The following PROM2 variants were observed in gnomAD, a reference collection of about 807,000 sequenced individuals.
PROM2 encodes the protein prominin 2.
A neutral mutation model predicts 110.2 loss-of-function variants in PROM2; 90 were observed. The ratio of observed to expected loss-of-function variants is 0.82; its 90% CI spans 0.69 to 0.97. The LOEUF (loss-of-function observed/expected upper bound fraction) is 0.97. PROM2 is among the 50% of genes least tolerant of loss of function. PROM2 has a pLI of 0.00. For missense variants in PROM2, 1,009 were observed against 1,074.8 expected, an observed-to-expected ratio of 0.94 and a Z score of 0.86; for synonymous variants, 470 against 467.8, an observed-to-expected ratio of 1.00 and a Z score of -0.06.
At position 95,275,424 on chromosome 2, in the gene PROM2, G is replaced by A. The variant is rs1439398241; in HGVS notation, c.245-37G>A. 1.3e-6 allele frequency: 2 copies of A among 1,590,554 alleles called. No homozygotes were observed. The highest frequency in any genetic ancestry group is 4.5e-5 in the East Asian group (2 of 44,576). Reference sequence around the variant, plus strand: ...GGAGGGACACAGGGGCAGGGCAGTGGCTGTCCCCAAATCCTCAGCTTGGCT... The same window carrying A: ...GGAGGGACACAGGGGCAGGGCAGTGACTGTCCCCAAATCCTCAGCTTGGCT... On this transcript the variant is annotated intron_variant, in intron 1 of 23. Transcript: ENST00000317620. The surrounding 1 kb of genome is among the most constrained non-coding windows in gnomAD (Gnocchi z 4.4).
chr2:95,277,359 CTCAG>C lies in PROM2; in HGVS notation c.773-2_774del, dbSNP rs1462207968. ...CCCTGCTCAGGCTGGGTGTGGGTCT[CTCAG>C]TCCTGCAGGTCTCCGTGCACCACCT... On this transcript the variant is annotated splice_acceptor_variant and splice_polypyrimidine_tract_variant and intron_variant, in intron 6 of 23. Transcript: ENST00000317620. LOFTEE classifies it high-confidence loss of function. The C allele has an allele frequency of 2.5e-6, 4 of 1,606,100 alleles. No homozygotes were observed. Among genetic ancestry groups the C allele is most frequent in the Non-Finnish European group, 3.4e-6 (4 of 1,175,624 alleles).
At position 95,279,952 on chromosome 2, in the gene PROM2, G is replaced by T; in HGVS notation, c.1382G>T (p.Ser461Ile). The T allele has an allele frequency of 6.6e-7, 1 of 1,519,794 alleles. No individual in the cohort carries two copies. 94.1% of individuals were successfully genotyped at this position (1,519,794 alleles called of 1,614,324 possible). ...GGCCTGTCTGCCAGGGACGACCCCA[G>T]CCACCCAGAAGCCAAGGGCGAGGCT... ...IWGLSARDDP[S>I]HPEAKGEAGA... The change falls in exon 11 of 24, where the codon AGC (serine) becomes ATC (isoleucine). Residue 461 changes from serine to isoleucine, a missense_variant. Transcript: ENST00000317620.
At position 95,275,978 on chromosome 2, in the gene PROM2, C is replaced by T; in HGVS notation, c.343C>T (p.Leu115Phe). Residue 115 changes from leucine to phenylalanine, a missense_variant, in exon 3 of 24, where the codon CTC becomes TTC. By Grantham distance (22) the Leu-to-Phe change is conservative. Transcript: ENST00000317620. This position sits in a 1 kb window ranked among gnomAD's most constrained non-coding sequence, Gnocchi z 4.4. ...GYVVCAVIAG[L>F]YLLLVPTAGL... is the part of the protein sequence containing the mutation. ...CGTGGTATGCGCTGTGATCGCGGGC[C>T]TCTACCTGCTGCTGGTGCCCACTGC... 1.2e-6 allele frequency: 2 copies of T among 1,612,404 alleles called. No individual in the cohort carries two copies. Among genetic ancestry groups the T allele is most frequent in the Non-Finnish European group, 1.7e-6 (2 of 1,179,848 alleles).
intron 13 of PROM2, 52 bp downstream of exon 13, chr2:95,282,068 C>G: frequency 1.2e-6 from 2 of 1,601,864 alleles, no homozygotes; most frequent in Non-Finnish European, 1.7e-6. Context: ...GGAGGAGGGC[C>G]GGTGTCCCTC....
At position 95,281,389 on chromosome 2, in the gene PROM2, C is replaced by T. The variant is rs772440298; in HGVS notation, c.1551+24C>T. The T allele has an allele frequency of 1.1e-5, 17 of 1,605,122 alleles. No individual in the cohort carries two copies. The East Asian group carries it at 3.6e-4, about 34-fold the overall frequency. On this transcript the variant is annotated intron_variant, in intron 12 of 23. Transcript: ENST00000317620. ...AGGTAGGCCTGTCTCTGCTCACAGG[C>T]CCTCCTGGGGAGAGAGGTGGGGGGC...
intron 7 of PROM2, 175 bp from the exon 8 acceptor site, chr2:95,277,755 G>A (rs541528981): frequency 1.3e-6 from 1 of 754,218 alleles, no homozygotes; most frequent in East Asian, 2.7e-5. Flanking sequence ...TGAACTTCAT[G>A]TGTGTGAGCT....
chr2:95,288,499 G>T lies in PROM2; in HGVS notation c.2351G>T (p.Cys784Phe). Residue 784 changes from cysteine (C) to phenylalanine (F), a missense_variant, in exon 22 of 24, where the codon TGC becomes TTC. Cys to Phe is a radical substitution (Grantham distance 205). Transcript: ENST00000317620. ...MADPWNAFWFCLAWCTFFLIP... is the reference protein window; with the variant it reads ...MADPWNAFWFFLAWCTFFLIP... ...TTGTTGCAGAATGCCTTCTGGTTCT[G>T]CCTGGCATGGTGCACCTTCTTCCTG... 1 of 1,614,202 alleles carries T rather than the reference G, an allele frequency of 6.2e-7. No individual in the cohort carries two copies. Among genetic ancestry groups the T allele is most frequent in the Non-Finnish European group, 8.5e-7 (1 of 1,180,022 alleles).
Position 95,277,953 on chromosome 2 carries a change from G to A in PROM2, c.999G>A (p.Leu333=), listed in dbSNP as rs369408994. The A allele has an allele frequency of 1.2e-4, 190 of 1,612,276 alleles. No individual in the cohort carries two copies. The highest frequency in any genetic ancestry group is 1.6e-4 in the Non-Finnish European group (183 of 1,179,522). ...FSQVPSVDHV[L]HQLKGVPEAN... ...AGGTGCCCTCTGTGGACCATGTCCT[G>A]CACCAGCTAAAAGGTGTCCCCGAGG... The change falls in exon 8 of 24, where the codon CTG becomes CTA. Residue 333 remains leucine (L), a synonymous_variant. Transcript: ENST00000317620.
At position 95,274,814 on chromosome 2, in the gene PROM2, A is replaced by C. The variant is rs1676551463; in HGVS notation, c.229A>C (p.Asn77His). 4 of 1,555,350 alleles carry C rather than the reference A, an allele frequency of 2.6e-6. No individual in the cohort carries two copies. Among genetic ancestry groups the C allele is most frequent in the African/African-American group, 3.0e-5 (2 of 67,226 alleles). Residue 77 changes from asparagine to histidine, a missense_variant, in exon 1 of 24, where the codon AAT becomes CAT. Physicochemically the swap from Asn to His is moderately conservative, Grantham distance 68 (BLOSUM62 1). Coordinates refer to ENST00000317620, the MANE Select transcript of PROM2 (RefSeq NM_001165978.3). ...VRRFLSVVQL[N>H]PFPSELVKAL... is the part of the protein sequence containing the mutation. ...CCGCTTCCTCTCGGTGGTGCAGCTCAATCCTTTCCCTTCAGGTGAGTGTGC... is the reference window on the plus strand; with the variant it reads ...CCGCTTCCTCTCGGTGGTGCAGCTCCATCCTTTCCCTTCAGGTGAGTGTGC...
intron 14 of PROM2, among the ~76,000 whole-genome samples, chr2:95,283,576 G>C (rs564316422): frequency 1.3e-5 from 2 of 152,184 alleles, no homozygotes; most frequent in Non-Finnish European, 2.9e-5. Context: ...TCCTCCAGGA[G>C]AAGGCAGCCT....
chr2:95,288,991 C>A lies in PROM2; in HGVS notation c.2500C>A (p.Leu834Met). 1 of 1,611,882 alleles carries A rather than the reference C, an allele frequency of 6.2e-7. No individual in the cohort carries two copies. The highest frequency in any genetic ancestry group is 8.5e-7 in the Non-Finnish European group (1 of 1,178,694). The change falls in exon 23 of 24, where the codon CTG becomes ATG. Residue 834 changes from leucine (L) to methionine (M), a missense_variant. Coordinates refer to ENST00000317620, the MANE Select transcript of PROM2 (RefSeq NM_001165978.3). ...FHIPRVTSLK[L>M] ...CATCCCCCGGGTTACCTCCCTGAAG[C>A]TGTAGGGCCTTGTGGGTGAGTTTTC...
chr2:95,275,830 A>C lies in PROM2; in HGVS notation c.295-100A>C. On this transcript the variant is annotated intron_variant, in intron 2 of 23. Coordinates refer to ENST00000317620, the MANE Select transcript of PROM2 (RefSeq NM_001165978.3). This position sits in a 1 kb window ranked among gnomAD's most constrained non-coding sequence, Gnocchi z 4.4. ...CCATGAGATGCAGGCCATGCCCCTG[A>C]CGGCACTCCCGCCCCTTCTGGTTTC... is the stretch of plus-strand genomic sequence containing the variant. 1 of 1,527,780 alleles carries C rather than the reference A, an allele frequency of 6.5e-7. No individual in the cohort carries two copies. Among genetic ancestry groups the C allele is most frequent in the Non-Finnish European group, 8.8e-7 (1 of 1,141,092 alleles). 94.6% of individuals were successfully genotyped at this position (1,527,780 alleles called of 1,614,324 possible). A position where few individuals can be genotyped will look rare whatever the true frequency, so the allele number is the denominator to read the frequency against.
Position 95,276,517 on chromosome 2 carries a change from G to T in PROM2, c.619-77G>T. The stretch of plus-strand genomic sequence containing the variant: ...TCAGGGTGGATGCCATAGGGGCAGG[G>T]AAGGGGCCAGGGAGAGAAGGGCGTA... On this transcript the variant is annotated intron_variant, in intron 4 of 23. Transcript: ENST00000317620. The surrounding 1 kb of genome is among the most constrained non-coding windows in gnomAD (Gnocchi z 4.6). 6.2e-7 allele frequency: 1 copy of T among 1,607,836 alleles called. No individual in the cohort carries two copies. Among genetic ancestry groups the T allele is most frequent in the Non-Finnish European group, 8.5e-7 (1 of 1,174,810 alleles).
chr2:95,276,088 C>T lies in PROM2; in HGVS notation c.453C>T (p.Arg151=), dbSNP rs372178611. The change falls in exon 3 of 24, where the codon CGC becomes CGT. Residue 151 remains arginine (R), a synonymous_variant. Coordinates refer to ENST00000317620, the MANE Select transcript of PROM2 (RefSeq NM_001165978.3). This position sits in a 1 kb window ranked among gnomAD's most constrained non-coding sequence, Gnocchi z 4.6. The part of the protein sequence containing the change: ...KTEHKALACE[R]AALMVFLLLT... ...AGCACAAGGCGCTGGCCTGTGAGCGCGCGGCCCTCATGGTCTTCCTGCTGC... is the reference window on the plus strand; with the variant it reads ...AGCACAAGGCGCTGGCCTGTGAGCGTGCGGCCCTCATGGTCTTCCTGCTGC... 54 of 1,611,204 alleles carry T rather than the reference C, an allele frequency of 3.4e-5. No individual in the cohort carries two copies. Among genetic ancestry groups the T allele is most frequent in the South Asian group, 4.4e-5 (4 of 91,038 alleles).
intron 21 of PROM2, 35 bp from the exon 22 acceptor site, chr2:95,288,448 G>GGT (rs1558750464): frequency 6.2e-7 from 1 of 1,605,566 alleles, no homozygotes. Flanking sequence ...TGGGTGCCAC[G>GGT]TGGGTTGGTG....
chr2:95,282,997 C>T (rs553741753), intron 14 of PROM2, among the ~76,000 whole-genome samples: 1 of 152,310 alleles, frequency 6.6e-6, no homozygotes, highest in East Asian at 1.9e-4. Flanking sequence ...CCCCTGGATC[C>T]ACCAACCAGC....
chr2:95,286,660 C>T, intron 17 of PROM2, 89 bp downstream of exon 17: 1 of 1,039,274 alleles, frequency 9.6e-7, no homozygotes, highest in Non-Finnish European at 1.5e-6. Context: ...TCTGAGAGTC[C>T]CTTCCCTCCC....
At chr2:95,286,654 A>G in intron 17 of PROM2, 83 bp downstream of exon 17, 1 of 1,267,940 alleles carries the variant, frequency 7.9e-7, no homozygotes. Flanking sequence ...GGAAGTTCTG[A>G]GAGTCCCTTC....
intron 8 of PROM2, chr2:95,278,384 G>T: frequency 3.7e-6 from 2 of 534,184 alleles, no homozygotes; most frequent in Non-Finnish European, 6.8e-6. Context: ...GGAGTGGAAG[G>T]TTCCAGAAGG....
Sources: gnomAD v4.1 joint callset for allele counts (sites outside exome capture counted in the v4.1 genomes callset) on GRCh38, gnomAD v4.1.1 for gene constraint, Gnocchi (gnomAD v3.1) non-coding constraint, MANE v1.5 for transcripts, NCBI Gene and HGNC (gene_info 2026-07-23, HGNC 2026-07-21) for gene names.